XPNPEP2: variants seen among roughly 807,000 people sequenced by gnomAD.
The protein encoded by XPNPEP2 is xaa-Pro aminopeptidase 2.
XPNPEP2 carries 64 observed loss-of-function variants against 59.8 expected under a neutral mutation model. The ratio of observed to expected loss-of-function variants is 1.07; its 90% CI spans 0.87 to 1.32. The LOEUF (loss-of-function observed/expected upper bound fraction) is 1.32. Among genes scored for constraint, XPNPEP2 ranks in the 40% most tolerant of loss-of-function variants. The probability of loss-of-function intolerance (pLI) is 0.00; values close to 1 mark genes in which losing one functional copy is unlikely to be tolerated. For missense variants in XPNPEP2, 575 were observed against 546.8 expected (o/e 1.05, Z -0.51); for synonymous variants, 235 against 210.0 (o/e 1.12, Z -1.03).
intron 14 of XPNPEP2, among the ~76,000 whole-genome samples, chrX:129,758,061 GAGGA>G (rs1337469064): frequency 9.9e-5 from 11 of 111,459 alleles, no homozygotes; most frequent in African/African-American, 3.6e-4. Flanking sequence ...CCTTCTCATT[GAGGA>G]AGGAAGTGTG....
In XPNPEP2 at chrX:129,769,242, A is replaced by G. The variant is rs1290847852; in HGVS notation, c.*757A>G. Reference sequence around the variant, plus strand: ...CTCCCACATTCTTGGATGCCCCTTCACCTTGTGTGGACAGTGTCTGGTTTC... The same window carrying G: ...CTCCCACATTCTTGGATGCCCCTTCGCCTTGTGTGGACAGTGTCTGGTTTC... On this transcript the variant is annotated 3_prime_UTR_variant, in exon 21 of 21. Coordinates refer to ENST00000371106, the MANE Select transcript of XPNPEP2 (RefSeq NM_003399.6). The G allele has an allele frequency of 8.9e-6, 1 of 112,383 alleles. No individual in the cohort carries two copies. The highest frequency in any genetic ancestry group is 1.9e-5 in the Non-Finnish European group (1 of 53,264). The allele number at this position is 112,383 out of a possible 1,213,427, so 9.3% of individuals were successfully genotyped here.
chrX:129,756,401 C>T (rs995829099), intron 13 of XPNPEP2, 83 bp from the exon 14 acceptor site: 9 of 1,005,264 alleles, frequency 9.0e-6, no homozygotes, highest in Non-Finnish European at 1.1e-5. Flanking sequence ...AAGCCCAGGC[C>T]CCAGAGGTCC....
chrX:129,759,039 T>G, intron 14 of XPNPEP2, 141 bp from the exon 15 acceptor site: 1 of 668,226 alleles, frequency 1.5e-6, no homozygotes, highest in African/African-American at 2.2e-5. Context: ...AAGAGGGGAT[T>G]TTGATTATGG....
chrX:129,757,853 A>AAGAT (rs1926565280), intron 14 of XPNPEP2, among the ~76,000 whole-genome samples: 2 of 81,560 alleles, frequency 2.5e-5, no homozygotes, highest in Non-Finnish European at 4.5e-5. Context: ...GAAAGAAAGA[A>AAGAT]AGAAAGAGGG....
chrX:129,768,731 C>G lies in XPNPEP2; in HGVS notation c.*246C>G, dbSNP rs750605948. On this transcript the variant is annotated 3_prime_UTR_variant, in exon 21 of 21. Transcript: ENST00000371106. ...ATACCACACCCTGGGCCCCTAATCC[C>G]AGGCCCCGAGATAGGAAAGCCAGCT... 1 of 287,666 alleles carries G rather than the reference C, an allele frequency of 3.5e-6. No homozygotes were observed. Among genetic ancestry groups the G allele is most frequent in the Non-Finnish European group, 6.1e-6 (1 of 164,019 alleles). The allele number at this position is 287,666 out of a possible 1,213,427, so 23.7% of individuals were successfully genotyped here. A position where few individuals can be genotyped will look rare whatever the true frequency, so the allele number is the denominator to read the frequency against.
Position 129,759,042 on chromosome X carries a change from G to T in XPNPEP2, c.1368-138G>T, listed in dbSNP as rs1056003492. On this transcript the variant is annotated intron_variant, in intron 14 of 20. Coordinates refer to ENST00000371106, the MANE Select transcript of XPNPEP2 (RefSeq NM_003399.6). ...ACATAGGTGCTGAAGAGGGGATTTT[G>T]ATTATGGTAGCTGTCTTCTTCCTTT... is the stretch of plus-strand genomic sequence containing the variant. The T allele has an allele frequency of 3.4e-5, 23 of 680,113 alleles. No individual in the cohort carries two copies. The African/African-American group carries it at 3.5e-4, about 10-fold the overall frequency. The allele number at this position is 680,113 out of a possible 1,213,427, so 56.0% of individuals were successfully genotyped here.
At chrX:129,743,703 A>G (rs1926241606) in intron 2 of XPNPEP2, among the ~76,000 whole-genome samples, 1 of 111,413 alleles carries the variant, frequency 9.0e-6, no homozygotes, top group Non-Finnish European at 1.9e-5. Context: ...CTCAGGTCCC[A>G]TTACTGTCAC....
intron 16 of XPNPEP2, 42 bp downstream of exon 16, chrX:129,760,623 AT>A: frequency 8.5e-7 from 1 of 1,170,414 alleles, no homozygotes; most frequent in Admixed American, 2.2e-5. Context: ...TCAGGCCCTG[AT>A]TTCACAGGAC....
chrX:129,765,834 C>CTACTAA (rs752734875), intron 19 of XPNPEP2, among the ~76,000 whole-genome samples: 1 of 110,199 alleles, frequency 9.1e-6, no homozygotes, highest in South Asian at 3.8e-4. Flanking sequence ...AACAGGGTTT[C>CTACTAA]ACCGTGTTGG....
intron 7 of XPNPEP2, among the ~76,000 whole-genome samples, chrX:129,749,553 C>T (rs1926355936): frequency 8.8e-6 from 1 of 113,405 alleles, no homozygotes; most frequent in Admixed American, 9.3e-5. Context: ...TATTTATGCT[C>T]ATATCTGAAC....
intron 4 of XPNPEP2, 92 bp downstream of exon 4, chrX:129,745,358 AC>A (rs1926274842): frequency 2.0e-6 from 2 of 1,012,313 alleles, no homozygotes; most frequent in Admixed American, 2.3e-5. Context: ...AGCATCTGGG[AC>A]CCCAGAACCT....
intron 14 of XPNPEP2, among the ~76,000 whole-genome samples, chrX:129,757,092 A>G (rs1262436688): frequency 2.0e-5 from 2 of 101,902 alleles, no homozygotes; most frequent in Non-Finnish European, 4.0e-5. Flanking sequence ...ACACACACAC[A>G]TATATATATA....
chrX:129,739,345 C>T, intron 1 of XPNPEP2, 83 bp downstream of exon 1: 1 of 1,012,691 alleles, frequency 9.9e-7, no homozygotes, highest in Non-Finnish European at 1.4e-6. Flanking sequence ...AGGGTTGGGG[C>T]CCGAGTCTCT....
At chrX:129,751,587 AAAGAAAGAAAGGAAGGAAGGAAGGAAGG>A (rs1926410588) in intron 8 of XPNPEP2, among the ~76,000 whole-genome samples, 130 bp from the exon 9 acceptor site, 135 of 66,070 alleles carry the variant, frequency 2.0e-3, no homozygotes, top group Middle Eastern at 7.7e-3. Context: ...AGAAAGAAAG[AAAGAAAGAAAGGAAGGAAGGAAGGAAGG>A]AAGGAAGGAA....
chrX:129,742,515 G>C lies in XPNPEP2; in HGVS notation c.123+334G>C, dbSNP rs1195008213. Among the ~76,000 whole-genome samples, 5 of 109,940 alleles carry C rather than the reference G, an allele frequency of 4.5e-5. No individual in the cohort carries two copies. In the Admixed American group the frequency reaches 4.8e-4, roughly 11 times the overall value. On this transcript the variant is annotated intron_variant, in intron 2 of 20. Coordinates refer to ENST00000371106, the MANE Select transcript of XPNPEP2 (RefSeq NM_003399.6). The stretch of plus-strand genomic sequence containing the variant: ...GCAGGAGGCCCCTAACTGGCCTTTG[G>C]CTGAGGCCAGGCAGAGGAAAGAAAA...
intron 10 of XPNPEP2, 52 bp from the exon 11 acceptor site, chrX:129,753,107 G>C: frequency 9.4e-7 from 1 of 1,060,476 alleles, no homozygotes. Flanking sequence ...CCTTTACTGT[G>C]CCCCCAGACC....
At chrX:129,757,021 T>C (rs57236404) in intron 14 of XPNPEP2, among the ~76,000 whole-genome samples, 6 of 81,494 alleles carry the variant, frequency 7.4e-5, no homozygotes, top group African/African-American at 2.6e-4. Flanking sequence ...TATATATATA[T>C]ATACACACAC....
rs747606619 is a variant in XPNPEP2 at position 129,762,775 on chromosome X, A to G, written c.1740+5A>G. On this transcript the variant is annotated splice_donor_5th_base_variant and intron_variant, in intron 19 of 20. Transcript: ENST00000371106. ...GTGGTAGAAGCAAAGACCAAGGTAA[A>G]CTGCCACCAGGATGGGCTGGAGGTG... The G allele has an allele frequency of 7.5e-6, 9 of 1,207,257 alleles. No individual in the cohort carries two copies. In the East Asian group the frequency reaches 2.4e-4, roughly 32 times the overall value.
intron 16 of XPNPEP2, 114 bp downstream of exon 16, chrX:129,760,695 G>A: frequency 1.3e-6 from 1 of 787,912 alleles, no homozygotes; most frequent in Non-Finnish European, 1.9e-6. Flanking sequence ...CATCCCTTAT[G>A]TAGATGAGAA....
Sources: allele counts gnomAD v4.1 joint callset (sites outside exome capture counted in the v4.1 genomes callset), GRCh38; gene constraint gnomAD v4.1.1; transcripts MANE v1.5; gene names NCBI Gene and HGNC (gene_info 2026-07-23, HGNC 2026-07-21).